The following SPTA1 variants were observed in gnomAD, a reference collection of about 807,000 sequenced individuals.
The protein encoded by SPTA1 is spectrin alpha chain, erythrocytic 1.
A neutral mutation model predicts 324.7 loss-of-function variants in SPTA1; 177 were observed. The observed-to-expected ratio is 0.55, with a 90% CI of 0.48 to 0.62. The LOEUF (loss-of-function observed/expected upper bound fraction) is 0.62. SPTA1 is among the 20% of genes least tolerant of loss of function. SPTA1 has a pLI of 0.00. For synonymous variants in SPTA1, 1,195 were observed against 1,041.3 expected (o/e 1.15, Z -2.84); for missense variants, 3,162 against 2,883.6 (o/e 1.10, Z -2.21).
At chr1:158,680,836 A>G in intron 4 of SPTA1, 107 bp from the exon 5 acceptor site, 1 of 1,394,846 alleles carries the variant, frequency 7.2e-7, no homozygotes, top group Non-Finnish European at 1.0e-6. Flanking sequence ...AAATGGAGAT[A>G]CTGGGGGAGA....
At position 158,648,674 on chromosome 1, in the gene SPTA1, G is replaced by C. The variant is rs556818431; in HGVS notation, c.3570-21C>G. ...CTTCTCTGGTATACAAGAGAGTAGA[G>C]AGTTCAAAAGTAAGGATATGTACCA... On this transcript the variant is annotated intron_variant, in intron 25 of 51. Transcript: ENST00000643759. The C allele has an allele frequency of 8.7e-5, 140 of 1,612,800 alleles. 1 individual carries two copies. In the South Asian group the frequency reaches 1.4e-3, roughly 16 times the overall value.
chr1:158,613,583 C>T lies in SPTA1; in HGVS notation c.6989+138G>A, dbSNP rs558713727. On this transcript the variant is annotated intron_variant, in intron 50 of 51. Coordinates refer to ENST00000643759, the MANE Select transcript of SPTA1 (RefSeq NM_003126.4). ...AATCTTGAAAGGGCACCAAGAGCTG[C>T]CTAATTCATTTATGGTTGCCTATTT... 9 of 1,228,874 alleles carry T rather than the reference C, an allele frequency of 7.3e-6. No homozygotes were observed. In the Admixed American group the frequency reaches 1.7e-4, roughly 23 times the overall value. The allele number at this position is 1,228,874 out of a possible 1,614,324, so 76.1% of individuals were successfully genotyped here.
rs547911910 is a variant in SPTA1 at position 158,675,258 on chromosome 1, T to G, written c.1113-583A>C. Among the ~76,000 whole-genome samples, 738 of 152,076 alleles carry G rather than the reference T, an allele frequency of 4.9e-3. 1 individual carries two copies. Among genetic ancestry groups the G allele is most frequent in the Non-Finnish European group, 7.9e-3 (537 of 67,970 alleles). On this transcript the variant is annotated intron_variant, in intron 8 of 51. Coordinates refer to ENST00000643759, the MANE Select transcript of SPTA1 (RefSeq NM_003126.4). ...TGAAATGATGCCTGATTATTAGGGG[T>G]TTTTGTAAGCTTGTAATCCACATTC...
intron 26 of SPTA1, 59 bp downstream of exon 26, chr1:158,648,450 G>C (rs1571445300): frequency 6.2e-7 from 1 of 1,605,278 alleles, no homozygotes; most frequent in East Asian, 2.2e-5. Context: ...AGAGGGCATT[G>C]GTATACGGCT....
rs371138781 is a variant in SPTA1, at chr1:158,674,526, C to A, written c.1248+14G>T. On this transcript the variant is annotated intron_variant, in intron 9 of 51. Coordinates refer to ENST00000643759, the MANE Select transcript of SPTA1 (RefSeq NM_003126.4). ...CCTGCCCCCTCCTCCTACTGGGCAG[C>A]CTTTCTTCTCTACCTTATGCTGCTG... 1 of 1,613,954 alleles carries A rather than the reference C, an allele frequency of 6.2e-7. No individual in the cohort carries two copies.
In SPTA1 at chr1:158,648,531, T is replaced by C. The variant is rs750673790; in HGVS notation, c.3692A>G (p.Asp1231Gly). ...LQRRHEGFER[D>G]LVPLGDKVTI... is the part of the protein sequence containing the mutation. Reference sequence around the variant, plus strand: ...CACCTTATCTCCCAGGGGTACGAGGTCCCTTTCAAAGCCCTCATGCCGTCG... The same window carrying C: ...CACCTTATCTCCCAGGGGTACGAGGCCCCTTTCAAAGCCCTCATGCCGTCG... Residue 1231 changes from aspartate (D) to glycine (G), a missense_variant, in exon 26 of 52, where the codon GAC (aspartate) becomes GGC (glycine). By Grantham distance (94) the Asp-to-Gly change is moderately conservative. Coordinates refer to ENST00000643759, the MANE Select transcript of SPTA1 (RefSeq NM_003126.4). 13 of 1,613,836 alleles carry C rather than the reference T, an allele frequency of 8.1e-6. No individual in the cohort carries two copies. In the South Asian group the frequency reaches 1.4e-4, roughly 18 times the overall value.
Position 158,635,963 on chromosome 1 carries a change from C to T in SPTA1, c.5382G>A (p.Leu1794=). ...TCTCCCAGTGTTCAACAAACTGAGC[C>T]AGCCGCAACTGGATCTCCTCTTGCC... ...AVGQEEIQLR[L]AQFVEHWEKL... The change falls in exon 38 of 52, where the codon CTG becomes CTA. Residue 1794 remains leucine (L), a synonymous_variant. Coordinates refer to ENST00000643759, the MANE Select transcript of SPTA1 (RefSeq NM_003126.4). 1 of 1,614,158 alleles carries T rather than the reference C, an allele frequency of 6.2e-7. No homozygotes were observed. The highest frequency in any genetic ancestry group is 8.5e-7 in the Non-Finnish European group (1 of 1,180,016).
intron 16 of SPTA1, among the ~76,000 whole-genome samples, chr1:158,664,517 G>C (rs147289438): frequency 2.0e-5 from 3 of 152,060 alleles, no homozygotes; most frequent in Non-Finnish European, 4.4e-5. Context: ...ATCACACACC[G>C]GGGCCTGTCG....
chr1:158,638,263 A>G (rs1651240459), intron 35 of SPTA1, 22 bp from the exon 36 acceptor site: 2 of 1,604,208 alleles, frequency 1.2e-6, no homozygotes, highest in Non-Finnish European at 8.5e-7. Context: ...CGGGATACTC[A>G]GTGAATAGTA....
At chr1:158,620,511 C>T (rs1453137883) in intron 43 of SPTA1, 45 bp from the exon 44 acceptor site, 1 of 1,609,718 alleles carries the variant, frequency 6.2e-7, no homozygotes, top group Non-Finnish European at 8.5e-7. Context: ...CTGATAAAGC[C>T]TCTCAGCAGA....
chr1:158,630,235 C>A (rs953474291), intron 39 of SPTA1, among the ~76,000 whole-genome samples: 16 of 151,910 alleles, frequency 1.1e-4, no homozygotes, highest in African/African-American at 3.9e-4. Context: ...ATCACACTTC[C>A]TGATTTTAAA....
In SPTA1 at chr1:158,611,306, G is replaced by A; in HGVS notation, c.7218C>T (p.Gly2406=). 1 of 1,613,838 alleles carries A rather than the reference G, an allele frequency of 6.2e-7. No homozygotes were observed. Residue 2406 remains glycine, a synonymous_variant, in exon 52 of 52, where the codon GGC becomes GGT. Transcript: ENST00000643759. The part of the protein sequence containing the change: ...MDPRGRSHLS[G]YDYVGFTNSY... The stretch of plus-strand genomic sequence containing the variant: ...AATTGGTGAAGCCAACGTAGTCATA[G>A]CCAGAGAGATGGCTTCGACCCCGTG...
intron 42 of SPTA1, among the ~76,000 whole-genome samples, chr1:158,624,113 C>T (rs1337886761): frequency 9.2e-5 from 9 of 97,766 alleles, no homozygotes; most frequent in Non-Finnish European, 1.9e-4. Context: ...GAAACACCTA[C>T]ATACTGCAGG....
At position 158,677,674 on chromosome 1, in the gene SPTA1, T is replaced by C. The variant is rs1203527101; in HGVS notation, c.957+16A>G. ...TCTAGCTCAACGGGTTAGCCATTTCTCTAACAGCGCATTACCTTGTCACTC... is the reference window on the plus strand; with the variant it reads ...TCTAGCTCAACGGGTTAGCCATTTCCCTAACAGCGCATTACCTTGTCACTC... On this transcript the variant is annotated intron_variant, in intron 7 of 51. Coordinates refer to ENST00000643759, the MANE Select transcript of SPTA1 (RefSeq NM_003126.4). The C allele has an allele frequency of 2.5e-6, 4 of 1,612,822 alleles. No homozygotes were observed. Among genetic ancestry groups the C allele is most frequent in the Non-Finnish European group, 3.4e-6 (4 of 1,179,440 alleles).
rs779174182 is a variant in SPTA1 at position 158,645,201 on chromosome 1, CA to C, written c.4180del (p.Cys1394AlafsTer25). ...AATTTGCTGTACCTGCAACTCCAGG[CA>C]CTGGTCTAGGATCTTCTTGCGTTTT... ...WEKRKKILDQ[C>X]LELQMFQGNC... is the part of the protein sequence containing the mutation. On this transcript the variant is annotated frameshift_variant, in exon 29 of 52. Transcript: ENST00000643759. LOFTEE classifies it high-confidence loss of function. 1.2e-6 allele frequency: 2 copies of C among 1,613,834 alleles called. No individual in the cohort carries two copies. The highest frequency in any genetic ancestry group is 3.3e-5 in the Admixed American group (2 of 59,988).
chr1:158,673,458 G>A (rs1654169142), intron 10 of SPTA1, among the ~76,000 whole-genome samples: 1 of 152,174 alleles, frequency 6.6e-6, no homozygotes, highest in South Asian at 2.1e-4. Context: ...TAGGAGGTTA[G>A]GATGATGGTA....
chr1:158,629,541 A>G (rs572983113), intron 39 of SPTA1, among the ~76,000 whole-genome samples: 41 of 152,188 alleles, frequency 2.7e-4, no homozygotes, highest in African/African-American at 8.4e-4. Context: ...CTTCAACGTG[A>G]TAAAGTACAT....
In SPTA1 at chr1:158,671,317, TGCCCAAACTAGG is replaced by T; in HGVS notation, c.1599+14_1599+25del. On this transcript the variant is annotated intron_variant, in intron 12 of 51. Coordinates refer to ENST00000643759, the MANE Select transcript of SPTA1 (RefSeq NM_003126.4). The stretch of plus-strand genomic sequence containing the variant: ...ATTATGTATACAGAGAGGGAGCCAA[TGCCCAAACTAGG>T]GCCAATTTCTTACTATGATCTTCTC... 1 of 1,573,492 alleles carries T rather than the reference TGCCCAAACTAGG, an allele frequency of 6.4e-7. No homozygotes were observed. The highest frequency in any genetic ancestry group is 8.7e-7 in the Non-Finnish European group (1 of 1,143,952).
At position 158,648,610 on chromosome 1, in the gene SPTA1, C is replaced by T. The variant is rs1652177389; in HGVS notation, c.3613G>A (p.Ala1205Thr). The T allele has an allele frequency of 6.2e-7, 1 of 1,613,800 alleles. No homozygotes were observed. Among genetic ancestry groups the T allele is most frequent in the African/African-American group, 1.3e-5 (1 of 74,880 alleles). ...TKEQIEKKCQ[A>T]LSAADPGSDL... ...GAGCCAGGGTCTGCAGCACTGAGGGCCTGGCATTTCTTCTCAATCTGCTCC... is the reference window on the plus strand; with the variant it reads ...GAGCCAGGGTCTGCAGCACTGAGGGTCTGGCATTTCTTCTCAATCTGCTCC... The change falls in exon 26 of 52, where the codon GCC becomes ACC. Residue 1205 changes from alanine to threonine, a missense_variant. By Grantham distance (58) the Ala-to-Thr change is moderately conservative. Coordinates refer to ENST00000643759, the MANE Select transcript of SPTA1 (RefSeq NM_003126.4).
Sources: allele counts gnomAD v4.1 joint callset (sites outside exome capture counted in the v4.1 genomes callset), GRCh38; gene constraint gnomAD v4.1.1; transcripts MANE v1.5; gene names NCBI Gene and HGNC (gene_info 2026-07-23, HGNC 2026-07-21).